NAV1: variants seen among roughly 807,000 people sequenced by gnomAD.
NAV1 encodes the protein pore membrane and/or filament interacting like protein 3.
Under a neutral mutation model 175.2 loss-of-function variants are expected in NAV1, and 18 were observed. The observed-to-expected ratio is 0.10, with a 90% CI of 0.07 to 0.15. NAV1 has a LOEUF of 0.15. Among genes scored for constraint, NAV1 ranks in the 10% least tolerant of loss-of-function variants. NAV1 has a pLI of 1.00. For missense variants in NAV1, 1,731 were observed against 2,436.6 expected (o/e 0.71, Z 6.10); for synonymous variants, 897 against 978.7 (o/e 0.92, Z 1.56).
chr1:201,754,987 G>C (rs1674363444), intron 3 of NAV1, among the ~76,000 whole-genome samples: 1 of 152,164 alleles, frequency 6.6e-6, no homozygotes, highest in South Asian at 2.1e-4. Flanking sequence ...GTCAGGAACA[G>C]AGGAATGACT....
chr1:201,744,992 T>G (rs2102572537), intron 3 of NAV1, among the ~76,000 whole-genome samples: 1 of 152,304 alleles, frequency 6.6e-6, no homozygotes, highest in East Asian at 1.9e-4. Flanking sequence ...TCAGCTCACG[T>G]TTAGTTCATG....
exon 5 of NAV1, chr1:201,781,266 T>G (rs1388289758): frequency 1.5e-5 from 24 of 1,613,608 alleles, no homozygotes; most frequent in Non-Finnish European, 1.9e-5. Context: ...TGGCTGTAAC[T>G]TCCCCCATCA....
chr1:201,660,930 A>AC (rs1669588048), intron 1 of NAV1, among the ~76,000 whole-genome samples: 1 of 152,138 alleles, frequency 6.6e-6, no homozygotes, highest in Non-Finnish European at 1.5e-5. Flanking sequence ...CACCTATTTG[A>AC]CTACTGTAAG....
In NAV1 at chr1:201,804,505, ACCCAGTTCCTAT is replaced by A; in HGVS notation, c.3648+12_3648+23del. 2 of 1,542,100 alleles carry A rather than the reference ACCCAGTTCCTAT, an allele frequency of 1.3e-6. No homozygotes were observed. The highest frequency in any genetic ancestry group is 8.7e-7 in the Non-Finnish European group (1 of 1,144,370). On this transcript the variant is annotated intron_variant, in intron 17 of 29. Coordinates refer to ENST00000367296, the Ensembl canonical transcript of NAV1. Reference sequence around the variant, plus strand: ...TTTTTCCAGGTCTATGAGGTAAGAGACCCAGTTCCTATCCCCTTATTTTCTCTTTCCCTTTGC... The same window carrying A: ...TTTTTCCAGGTCTATGAGGTAAGAGACCCCTTATTTTCTCTTTCCCTTTGC...
chr1:201,624,183 A>T (rs1668257645), intron 1 of NAV1, among the ~76,000 whole-genome samples: 1 of 152,182 alleles, frequency 6.6e-6, no homozygotes, highest in Non-Finnish European at 1.5e-5. Flanking sequence ...ATCAGGAATT[A>T]GTAATGCTTT....
chr1:201,740,129 G>A lies in NAV1; in HGVS notation c.1226+21374G>A. ...CCGCCAGACCGCAGAGCTGGGGTCG[G>A]GTTTGTGGCACCCCCAGCCCCGCCG... On this transcript the variant is annotated intron_variant, in intron 3 of 29. Coordinates refer to ENST00000367296, the Ensembl canonical transcript of NAV1. The surrounding 1 kb of genome is among the most constrained non-coding windows in gnomAD (Gnocchi z 4.7). 1 of 1,379,586 alleles carries A rather than the reference G, an allele frequency of 7.2e-7. No homozygotes were observed. The allele number at this position is 1,379,586 out of a possible 1,614,324, so 85.5% of individuals were successfully genotyped here. A position where few individuals can be genotyped will look rare whatever the true frequency, so the allele number is the denominator to read the frequency against.
chr1:201,743,901 G>GT (rs958306142), intron 3 of NAV1, among the ~76,000 whole-genome samples: 18 of 151,474 alleles, frequency 1.2e-4, no homozygotes, highest in African/African-American at 4.8e-5. Flanking sequence ...GATTTTTTTT[G>GT]TTTTTTTGAG....
chr1:201,617,210 C>G (rs1668027436), intron 2 of NAV1, among the ~76,000 whole-genome samples: 1 of 72,340 alleles, frequency 1.4e-5, no homozygotes, highest in South Asian at 4.5e-4. Flanking sequence ...CTCTCTGTCT[C>G]TCTCTCTCTC....
chr1:201,820,128 G>A (rs1052829031), exon 30 of NAV1: 2 of 558,088 alleles, frequency 3.6e-6, no homozygotes, highest in Non-Finnish European at 6.3e-6. Context: ...GAATGGTGGG[G>A]TGGCGTTTGG....
rs766979672 is a variant in NAV1, at chr1:201,723,060, G to A, written c.1226+4305G>A. On this transcript the variant is annotated intron_variant, in intron 3 of 29. Transcript: ENST00000367296. ...CAGGAGGCGGAGGTTGCAGAGAGTC[G>A]AGATTGCACCACTGCACTCCAGCCT... is the stretch of plus-strand genomic sequence containing the variant. Among the ~76,000 whole-genome samples, 7 of 152,176 alleles carry A rather than the reference G, an allele frequency of 4.6e-5. No homozygotes were observed. In the South Asian group the frequency reaches 1.2e-3, roughly 27 times the overall value.
exon 22 of NAV1, chr1:201,809,496 G>T: frequency 3.7e-6 from 6 of 1,614,080 alleles, no homozygotes; most frequent in South Asian, 3.3e-5. Flanking sequence ...TGGAAAAGTT[G>T]ACTGGAAGAT....
chr1:201,712,780 T>A (rs562741714), intron 1 of NAV1, 37 bp from the exon 6 acceptor site: 2 of 1,450,314 alleles, frequency 1.4e-6, no homozygotes, highest in African/African-American at 2.8e-5. Flanking sequence ...CATTAAGTTC[T>A]CTTCACTCAC....
At position 201,817,374 on chromosome 1, in the gene NAV1, A is replaced by C; in HGVS notation, c.5538+89A>C. 2 of 1,222,900 alleles carry C rather than the reference A, an allele frequency of 1.6e-6. 1 individual carries two copies. Among genetic ancestry groups the C allele is most frequent in the Non-Finnish European group, 2.3e-6 (2 of 875,260 alleles). 75.8% of individuals were successfully genotyped at this position (1,222,900 alleles called of 1,614,324 possible). The stretch of plus-strand genomic sequence containing the variant: ...GGTGGCTCACACCTGTAATCCCAGC[A>C]CTTTGAGAGGCTGAGGTGGGAGGAT... On this transcript the variant is annotated intron_variant, in intron 29 of 29. Coordinates refer to ENST00000367296, the Ensembl canonical transcript of NAV1.
intron 2 of NAV1, among the ~76,000 whole-genome samples, chr1:201,611,504 A>G (rs1288073761): frequency 6.6e-6 from 1 of 151,980 alleles, no homozygotes; most frequent in African/African-American, 2.4e-5. Context: ...TTATGCGGAG[A>G]GGGGGCTGTG....
chr1:201,642,557 T>TCCTTCCTTCCTTCCTTCCTCTTTC (rs1553247081), intron 2 of NAV1, among the ~76,000 whole-genome samples: 3 of 106,094 alleles, frequency 2.8e-5, no homozygotes, highest in African/African-American at 8.5e-5. Context: ...TTCTTTCTTT[T>TCCTTCCTTCCTTCCTTCCTCTTTC]TTCCCTTTCT....
At position 201,629,521 on chromosome 1, in the gene NAV1, G is replaced by GGGAAGACCCCA. The variant is rs1241511564; in HGVS notation, c.4+17_4+18insAGACCCCAGGA. 1.5e-6 allele frequency: 2 copies of GGGAAGACCCCA among 1,298,846 alleles called. No individual in the cohort carries two copies. Among genetic ancestry groups the GGGAAGACCCCA allele is most frequent in the Admixed American group, 4.7e-5 (2 of 42,946 alleles). 80.5% of individuals were successfully genotyped at this position (1,298,846 alleles called of 1,614,324 possible). ...TCTCCTGCATGGGTAAGTGATCTGGGGGAGACTTCCTCCTAGGGTCGGGAG... is the reference window on the plus strand; with the variant it reads ...TCTCCTGCATGGGTAAGTGATCTGGGGGAAGACCCCAGGAGACTTCCTCCTAGGGTCGGGAG... On this transcript the variant is annotated intron_variant, in intron 2 of 29. Coordinates refer to the NAV1 transcript ENST00000367302.
chr1:201,672,660 G>A (rs930143868), intron 1 of NAV1, among the ~76,000 whole-genome samples: 3 of 152,210 alleles, frequency 2.0e-5, no homozygotes, highest in Non-Finnish European at 2.9e-5. Context: ...TCAAGACGCC[G>A]TGTGTTTAAC....
chr1:201,656,376 G>A (rs1669403727), intron 1 of NAV1, among the ~76,000 whole-genome samples: 1 of 152,208 alleles, frequency 6.6e-6, no homozygotes. Flanking sequence ...CCCAGCGTTG[G>A]TTCTTATGGA....
intron 1 of NAV1, among the ~76,000 whole-genome samples, chr1:201,691,619 A>T (rs759426666): frequency 6.6e-6 from 1 of 152,236 alleles, no homozygotes; most frequent in Non-Finnish European, 1.5e-5. Context: ...GTCTCTAGGG[A>T]ATCACAGGCA....
Sources: allele counts gnomAD v4.1 joint callset (sites outside exome capture counted in the v4.1 genomes callset), GRCh38; gene constraint gnomAD v4.1.1; non-coding constraint Gnocchi (gnomAD v3.1); transcripts MANE v1.5; gene names NCBI Gene and HGNC (gene_info 2026-07-23, HGNC 2026-07-21).